Variants in SMG6 observed in about 807,000 individuals in gnomAD.
SMG6 encodes SMG6 nonsense mediated mRNA decay factor.
Under a neutral mutation model 142.2 loss-of-function variants are expected in SMG6, and 66 were observed. That is an observed-to-expected ratio of 0.46 (90% CI 0.38 to 0.57). The LOEUF (loss-of-function observed/expected upper bound fraction) is 0.57. Among genes scored for constraint, SMG6 ranks in the 20% least tolerant of loss-of-function variants. The pLI, the probability that SMG6 is intolerant of heterozygous loss-of-function variation, is 0.00. For missense variants in SMG6, 1,793 were observed against 1,832.0 expected, an observed-to-expected ratio of 0.98 and a Z score of 0.39; for synonymous variants, 779 against 702.4, an observed-to-expected ratio of 1.11 and a Z score of -1.72.
rs1355605602 is a variant in SMG6 at position 2,298,992 on chromosome 17, C to T, written c.1761G>A (p.Val587=). 4 of 1,614,060 alleles carry T rather than the reference C, an allele frequency of 2.5e-6. No individual in the cohort carries two copies. Among genetic ancestry groups the T allele is most frequent in the Non-Finnish European group, 2.5e-6 (3 of 1,180,050 alleles). The change falls in exon 2 of 19, where the codon GTG becomes GTA. Residue 587 remains valine, a synonymous_variant. Coordinates refer to ENST00000263073, the MANE Select transcript of SMG6 (RefSeq NM_017575.5). The part of the protein sequence containing the change: ...QQQELHRLLR[V]ADNQELQLSN... ...TGAGCTGCAGTTCCTGGTTGTCAGCCACCCGGAGAAGCCTGTGCAGCTCCT... is the reference window on the plus strand; with the variant it reads ...TGAGCTGCAGTTCCTGGTTGTCAGCTACCCGGAGAAGCCTGTGCAGCTCCT...
intron 13 of SMG6, chr17:2,127,610 C>T (rs2069942565): frequency 3.4e-6 from 2 of 581,480 alleles, no homozygotes; most frequent in African/African-American, 1.9e-5. Context: ...GTCACTATTT[C>T]TGTTCTCAAT....
chr17:2,162,230 T>C (rs1419856419), intron 13 of SMG6, among the ~76,000 whole-genome samples: 1 of 152,020 alleles, frequency 6.6e-6, no homozygotes, highest in Non-Finnish European at 1.5e-5. Context: ...AAGCAAAAAT[T>C]GGCCAGGCGA....
intron 10 of SMG6, among the ~76,000 whole-genome samples, chr17:2,189,623 T>C (rs948088314): frequency 6.6e-6 from 1 of 152,148 alleles, no homozygotes; most frequent in African/African-American, 2.4e-5. Flanking sequence ...TTAACCTCAG[T>C]AGCCAAGGGG....
At chr17:2,263,199 A>G (rs999202531) in intron 8 of SMG6, among the ~76,000 whole-genome samples, 2 of 152,248 alleles carry the variant, frequency 1.3e-5, no homozygotes, top group African/African-American at 2.4e-5. Context: ...ATTTGCTATT[A>G]TAACAATCTT....
intron 13 of SMG6, among the ~76,000 whole-genome samples, chr17:2,135,403 A>C (rs2070261414): frequency 6.6e-6 from 1 of 152,180 alleles, no homozygotes; most frequent in Non-Finnish European, 1.5e-5. Context: ...ACAACAGATC[A>C]CAAGAACCTA....
At chr17:2,128,451 C>T (rs2069978622) in intron 13 of SMG6, among the ~76,000 whole-genome samples, 1 of 152,128 alleles carries the variant, frequency 6.6e-6, no homozygotes, top group Admixed American at 6.5e-5. Context: ...GACAGGATGG[C>T]TCTAGAGTTA....
intron 4 of SMG6, among the ~76,000 whole-genome samples, chr17:2,294,879 CTT>C (rs35762226): frequency 1.1e-3 from 156 of 146,482 alleles, no homozygotes; most frequent in Non-Finnish European, 9.6e-4. Flanking sequence ...TCAATAAACA[CTT>C]TTTTTTTTTT....
At chr17:2,174,435 C>A (rs537411991) in intron 12 of SMG6, among the ~76,000 whole-genome samples, 2 of 152,188 alleles carry the variant, frequency 1.3e-5, no homozygotes, top group African/African-American at 4.8e-5. Context: ...GGTATGGGAA[C>A]TCCCTGACTG....
intron 1 of SMG6, among the ~76,000 whole-genome samples, chr17:2,302,359 G>A (rs1195121641): frequency 6.6e-6 from 1 of 152,262 alleles, no homozygotes; most frequent in African/African-American, 2.4e-5. Context: ...TGGCCAACAC[G>A]GAGAAACCCC....
At chr17:2,185,048 T>C (rs1239138322) in intron 12 of SMG6, among the ~76,000 whole-genome samples, 2 of 148,948 alleles carry the variant, frequency 1.3e-5, no homozygotes, top group African/African-American at 2.5e-5. Flanking sequence ...AGAAACCTAC[T>C]TGGGGACACA....
intron 13 of SMG6, among the ~76,000 whole-genome samples, chr17:2,170,133 G>A (rs533064118): frequency 1.3e-5 from 2 of 152,248 alleles, no homozygotes; most frequent in Non-Finnish European, 2.9e-5. Flanking sequence ...TCAGGAGTTT[G>A]GATTTGGACA....
chr17:2,113,616 T>C (rs1020535688), intron 13 of SMG6, among the ~76,000 whole-genome samples: 1 of 152,194 alleles, frequency 6.6e-6, no homozygotes, highest in African/African-American at 2.4e-5. Flanking sequence ...TCTTATCAAA[T>C]GAAAGCAAAC....
intron 15 of SMG6, chr17:2,073,005 AG>A (rs1166743792): frequency 2.6e-5 from 4 of 152,248 alleles, no homozygotes; most frequent in Non-Finnish European, 5.9e-5. Flanking sequence ...CATAAATATC[AG>A]GGGGAAACCA....
At chr17:2,220,608 C>A (rs765718279) in intron 10 of SMG6, among the ~76,000 whole-genome samples, 2 of 152,158 alleles carry the variant, frequency 1.3e-5, no homozygotes, top group Non-Finnish European at 2.9e-5. Context: ...CCAGCCTGGG[C>A]AACACAGTGA....
In SMG6 at chr17:2,112,531, AT is replaced by A. The variant is rs1431392679; in HGVS notation, c.3358-26631del. 7.5e-3 allele frequency among the ~76,000 whole-genome samples: 726 copies of A among 96,494 alleles called. 1 individual carries two copies. The highest frequency in any genetic ancestry group is 0.01 in the Non-Finnish European group (467 of 44,828). The allele number at this position is 96,494 out of a possible 152,430, so 63.3% of individuals were successfully genotyped here. A position where few individuals can be genotyped will look rare whatever the true frequency, so the allele number is the denominator to read the frequency against. On this transcript the variant is annotated intron_variant, in intron 13 of 18. Transcript: ENST00000263073. Reference sequence around the variant, plus strand: ...TCAAAAAAAATAAAATAAAAAATAAATAAATAAATAAATAAATAAATAAATA... The same window carrying A: ...TCAAAAAAAATAAAATAAAAAATAAAAAATAAATAAATAAATAAATAAATA...
chr17:2,141,368 T>G (rs1350553731), intron 13 of SMG6, among the ~76,000 whole-genome samples: 1 of 152,206 alleles, frequency 6.6e-6, no homozygotes, highest in East Asian at 1.9e-4. Context: ...AAAACAGACT[T>G]TGTGATTTTG....
At chr17:2,303,484 C>T (rs1391027769) in intron 1 of SMG6, 149 bp downstream of exon 1, 56 of 1,329,056 alleles carry the variant, frequency 4.2e-5, no homozygotes, top group Admixed American at 1.3e-4. Context: ...AGAGGTAGGG[C>T]AGCGAGGGTC....
At chr17:2,292,817 G>T (rs1005749479) in intron 5 of SMG6, 54 bp downstream of exon 5, 3 of 1,532,508 alleles carry the variant, frequency 2.0e-6, no homozygotes, top group Non-Finnish European at 2.7e-6. Context: ...TCTTAGTAAG[G>T]CTTAGCTTAG....
chr17:2,299,112 G>A lies in SMG6; in HGVS notation c.1641C>T (p.Tyr547=). 6.2e-7 allele frequency: 1 copy of A among 1,614,034 alleles called. No individual in the cohort carries two copies. Among genetic ancestry groups the A allele is most frequent in the Non-Finnish European group, 8.5e-7 (1 of 1,179,944 alleles). Residue 547 remains tyrosine, a synonymous_variant, in exon 2 of 19, where the codon TAC becomes TAT. Transcript: ENST00000263073. This position sits in a 1 kb window ranked among gnomAD's most constrained non-coding sequence, Gnocchi z 4.3. ...ACACATACTGTCCTGACGGAGTCGG[G>A]TAGCCTGGGTAGTAAGGCCCTGGGT... The part of the protein sequence containing the change: ...GVYPGPYYPG[Y]PTPSGQYVCS...
Sources: allele counts gnomAD v4.1 joint callset (sites outside exome capture counted in the v4.1 genomes callset), GRCh38; gene constraint gnomAD v4.1.1; non-coding constraint Gnocchi (gnomAD v3.1); transcripts MANE v1.5; gene names NCBI Gene and HGNC (gene_info 2026-07-23, HGNC 2026-07-21).